Variants in STAU1 observed in about 807,000 individuals in gnomAD.
STAU1 encodes the protein double-stranded RNA-binding protein Staufen homolog 1.
A neutral mutation model predicts 62.9 loss-of-function variants in STAU1; 13 were observed. The observed-to-expected ratio is 0.21, with a 90% CI of 0.13 to 0.33. STAU1 has a LOEUF of 0.33. Ranked by LOEUF, STAU1 falls within the 10% of genes least tolerant of loss-of-function variation. The pLI, the probability that STAU1 is intolerant of heterozygous loss-of-function variation, is 1.00. For missense variants in STAU1, 571 were observed against 712.1 expected (o/e 0.80, Z 2.25); for synonymous variants, 269 against 265.1 (o/e 1.01, Z -0.14).
the STAU1 span, among the ~76,000 whole-genome samples, chr20:49,208,396 T>C: frequency 6.6e-6 from 1 of 151,752 alleles, no homozygotes; most frequent in South Asian, 2.1e-4. Context: ...AGAGATGGGG[T>C]TTCACCATGT....
At chr20:49,159,160 A>C (rs991562972) in intron 3 of STAU1, 12 of 1,083,338 alleles carry the variant, frequency 1.1e-5, no homozygotes, top group East Asian at 8.6e-5. Context: ...AAAAAAAAAA[A>C]ACACACAAAG....
intron 10 of STAU1, 94 bp downstream of exon 10, chr20:49,118,239 C>T (rs1040224850): frequency 3.0e-5 from 41 of 1,380,888 alleles, no homozygotes; most frequent in South Asian, 1.3e-4. Context: ...ACTTTGCATG[C>T]GGGACCTCAC....
chr20:49,135,700 A>G (rs2092865371), intron 6 of STAU1, 133 bp downstream of exon 6: 2 of 700,682 alleles, frequency 2.9e-6, no homozygotes, highest in Admixed American at 3.0e-5. Flanking sequence ...CTAAATATAA[A>G]GTATGAATCT....
At chr20:49,219,293 G>A in the STAU1 span, 2 of 1,489,474 alleles carry the variant, frequency 1.3e-6, no homozygotes, top group East Asian at 2.4e-5. Context: ...CCATATTGCC[G>A]CATGCGCACT....
chr20:49,160,832 T>A (rs1020508854), intron 3 of STAU1, among the ~76,000 whole-genome samples: 1 of 152,084 alleles, frequency 6.6e-6, no homozygotes, highest in African/African-American at 2.4e-5. Context: ...TGCTAACAAG[T>A]GAAAAAACTG....
At chr20:49,128,291 A>G (rs1404245471) in intron 6 of STAU1, among the ~76,000 whole-genome samples, 1 of 152,226 alleles carries the variant, frequency 6.6e-6, no homozygotes, top group East Asian at 1.9e-4. Flanking sequence ...ATGCCACTGC[A>G]CTACAGCCCG....
the STAU1 span, among the ~76,000 whole-genome samples, chr20:49,211,682 A>C: frequency 1.3e-5 from 2 of 151,706 alleles, no homozygotes; most frequent in African/African-American, 2.4e-5. Flanking sequence ...TAATTTTTGT[A>C]TTTTTAGTAG....
chr20:49,204,661 T>A, the STAU1 span, among the ~76,000 whole-genome samples: 1 of 112,548 alleles, frequency 8.9e-6, no homozygotes, highest in Non-Finnish European at 1.8e-5. Flanking sequence ...TTTTTTTTTT[T>A]TTTTTTTTTT....
chr20:49,196,919 G>A, the STAU1 span, among the ~76,000 whole-genome samples: 1 of 152,174 alleles, frequency 6.6e-6, no homozygotes, highest in African/African-American at 2.4e-5. Flanking sequence ...CACTTTGGGA[G>A]GCCGAGGCAG....
chr20:49,182,408 T>C (rs953482779), intron 1 of STAU1, among the ~76,000 whole-genome samples: 4 of 152,250 alleles, frequency 2.6e-5, no homozygotes, highest in Non-Finnish European at 5.9e-5. Flanking sequence ...TCCAAGCCCA[T>C]CCATCCCGTG....
Position 49,180,362 on chromosome 20 carries a change from T to C in STAU1, c.-159-6093A>G, listed in dbSNP as rs574186036. ...CCCTGGATACAGAGTCTTGCTCTGT[T>C]GCCCAGGCTGAAGTGCAGCGGCACG... is the stretch of plus-strand genomic sequence containing the variant. On this transcript the variant is annotated intron_variant, in intron 1 of 13. Coordinates refer to ENST00000371856, the MANE Select transcript of STAU1 (RefSeq NM_017453.4). 2.9e-3 allele frequency among the ~76,000 whole-genome samples: 435 copies of C among 151,814 alleles called. 1 individual carries two copies. Among genetic ancestry groups the C allele is most frequent in the Non-Finnish European group, 4.2e-3 (286 of 67,962 alleles).
chr20:49,187,892 A>C (rs1195350406), intron 1 of STAU1, among the ~76,000 whole-genome samples: 1 of 146,896 alleles, frequency 6.8e-6, no homozygotes, highest in African/African-American at 2.5e-5. Context: ...TGAGGGCTGG[A>C]GGGGATGGGG....
Position 49,154,051 on chromosome 20 carries a change from C to G in STAU1, c.226G>C (p.Glu76Gln). The G allele has an allele frequency of 1.2e-6, 2 of 1,608,678 alleles. No homozygotes were observed. The highest frequency in any genetic ancestry group is 1.3e-5 in the African/African-American group (1 of 74,660). Residue 76 changes from glutamate to glutamine, a missense_variant, in exon 4 of 14, where the codon GAA becomes CAA. By Grantham distance (29) the Glu-to-Gln change is conservative. This residue lies in a region of STAU1 where 414 missense variants were observed against 499.6 expected (regional missense o/e 0.83). Coordinates refer to ENST00000371856, the MANE Select transcript of STAU1 (RefSeq NM_017453.4). ...AGTTTCATGCACAGTGCATTTAGTTCTACAGTAGGGGTTATGCTTTCTGCA... is the reference window on the plus strand; with the variant it reads ...AGTTTCATGCACAGTGCATTTAGTTGTACAGTAGGGGTTATGCTTTCTGCA... ...AAAESITPTV[E>Q]LNALCMKLGK... is the part of the protein sequence containing the mutation.
the STAU1 span, among the ~76,000 whole-genome samples, chr20:49,213,866 C>T: frequency 1.3e-5 from 2 of 152,192 alleles, no homozygotes; most frequent in Non-Finnish European, 2.9e-5. Context: ...AAGGCTTGCC[C>T]ATGGAACACA....
At chr20:49,185,520 T>G (rs1162985443) in intron 1 of STAU1, among the ~76,000 whole-genome samples, 5 of 152,224 alleles carry the variant, frequency 3.3e-5, no homozygotes, top group African/African-American at 1.2e-4. Flanking sequence ...AAATGAGAAC[T>G]ATTATTCTAC....
rs1461691170 is a variant in STAU1, at chr20:49,135,089, C to T, written c.609+744G>A. The T allele has an allele frequency of 5.8e-6, 6 of 1,035,076 alleles. No homozygotes were observed. In the East Asian group the frequency reaches 9.5e-5, roughly 16 times the overall value. 64.1% of individuals were successfully genotyped at this position (1,035,076 alleles called of 1,614,324 possible). A position where few individuals can be genotyped will look rare whatever the true frequency, so the allele number is the denominator to read the frequency against. On this transcript the variant is annotated intron_variant, in intron 6 of 13. Transcript: ENST00000371856. ...CAGCAAGATGTACACAATCTTTTGC[C>T]TTTATTCGTAACGTTTTATATAGAA... is the stretch of plus-strand genomic sequence containing the variant.
chr20:49,205,495 A>G, the STAU1 span, among the ~76,000 whole-genome samples: 1 of 149,994 alleles, frequency 6.7e-6, no homozygotes, highest in Non-Finnish European at 1.5e-5. Context: ...CCTCCTGAGT[A>G]GCTGGGATTA....
intron 2 of STAU1, among the ~76,000 whole-genome samples, chr20:49,170,120 A>G (rs1372860461): frequency 6.6e-6 from 1 of 152,180 alleles, no homozygotes; most frequent in Non-Finnish European, 1.5e-5. Context: ...AGTGGTCACA[A>G]AATGTGTATT....
At position 49,135,914 on chromosome 20, in the gene STAU1, G is replaced by A. The variant is rs908077586; in HGVS notation, c.528C>T (p.Ser176=). 15 of 1,613,176 alleles carry A rather than the reference G, an allele frequency of 9.3e-6. No individual in the cohort carries two copies. The highest frequency in any genetic ancestry group is 1.7e-4 in the Middle Eastern group (1 of 6,058). The change falls in exon 6 of 14, where the codon TCC becomes TCT. Residue 176 remains serine (S), a synonymous_variant. Coordinates refer to ENST00000371856, the MANE Select transcript of STAU1 (RefSeq NM_017453.4). The part of the protein sequence containing the change: ...PERLEVNGRE[S]EEENLNKSEI... ...CAGATTTATTGAGATTTTCTTCTTC[G>A]GATTCTCTTCCATTCACCTGTAAGA... is the stretch of plus-strand genomic sequence containing the variant.
Sources: allele counts gnomAD v4.1 joint callset (sites outside exome capture counted in the v4.1 genomes callset), GRCh38; gene constraint gnomAD v4.1.1; regional missense constraint gnomAD v4.1.1; transcripts MANE v1.5; gene names NCBI Gene and HGNC (gene_info 2026-07-23, HGNC 2026-07-21).